ERCC8: variants seen among roughly 807,000 people sequenced by gnomAD.
The protein encoded by ERCC8 is DNA excision repair protein ERCC-8.
Under a neutral mutation model 54.9 loss-of-function variants are expected in ERCC8, and 52 were observed. The ratio of observed to expected loss-of-function variants is 0.95; its 90% CI spans 0.76 to 1.19. The LOEUF is 1.19. Among genes scored for constraint, ERCC8 ranks in the 50% most tolerant of loss-of-function variants. The pLI is 0.00. For missense variants in ERCC8, 514 were observed against 466.1 expected, an observed-to-expected ratio of 1.10 and a Z score of -0.95; for synonymous variants, 146 against 157.2, an observed-to-expected ratio of 0.93 and a Z score of 0.53.
intron 1 of ERCC8, chr5:60,932,023 A>G (rs1303273856): frequency 6.6e-6 from 1 of 152,168 alleles, no homozygotes; most frequent in East Asian, 1.9e-4. Context: ...GTATGTCCCC[A>G]CAATTAAACT....
At chr5:60,906,472 T>C (rs1749074774) in intron 4 of ERCC8, among the ~76,000 whole-genome samples, 1 of 151,884 alleles carries the variant, frequency 6.6e-6, no homozygotes, top group Non-Finnish European at 1.5e-5. Context: ...CTCACCCCTG[T>C]AATCCCAGTA....
chr5:60,942,908 A>T (rs73114340), intron 1 of ERCC8, among the ~76,000 whole-genome samples: 7,174 of 152,248 alleles, frequency 0.047, 574 homozygotes, highest in African/African-American at 0.16. Context: ...AACAGTAGAC[A>T]TCTCCTATGA....
At chr5:60,944,830 G>A in intron 1 of ERCC8, 102 bp downstream of exon 1, 1 of 859,520 alleles carries the variant, frequency 1.2e-6, no homozygotes. Flanking sequence ...ATAATAGTTT[G>A]GTGGCAGGAG....
chr5:60,928,926 ATC>A lies in ERCC8; in HGVS notation c.109_110del (p.Asp37CysfsTer2). ...VLGLELNKDR[D>X]VERIHGGGIN... ...TTCCACCGCCGTGGATTCTTTCAAC[ATC>A]TCTGTCTTTATTTAATTCCAGTCCC... is the stretch of plus-strand genomic sequence containing the variant. On this transcript the variant is annotated frameshift_variant, in exon 2 of 12. Transcript: ENST00000676185. LOFTEE classifies it high-confidence loss of function. 3 of 1,608,152 alleles carry A rather than the reference ATC, an allele frequency of 1.9e-6. No individual in the cohort carries two copies. Among genetic ancestry groups the A allele is most frequent in the African/African-American group, 2.7e-5 (2 of 74,926 alleles).
intron 7 of ERCC8, among the ~76,000 whole-genome samples, chr5:60,901,109 T>C (rs1748892350): frequency 6.6e-6 from 1 of 151,694 alleles, no homozygotes; most frequent in African/African-American, 2.4e-5. Flanking sequence ...TGAATAGCTT[T>C]CGTAATAATT....
chr5:60,922,495 A>G (rs1240028622), intron 2 of ERCC8, among the ~76,000 whole-genome samples: 1 of 152,064 alleles, frequency 6.6e-6, no homozygotes, highest in African/African-American at 2.4e-5. Flanking sequence ...TGACTATGCT[A>G]AATAAAAAAG....
chr5:60,888,431 C>G (rs1210009082), intron 10 of ERCC8, among the ~76,000 whole-genome samples: 2 of 152,118 alleles, frequency 1.3e-5, no homozygotes, highest in Non-Finnish European at 2.9e-5. Flanking sequence ...AGTAATTTTA[C>G]TCCCCTGAGA....
At chr5:60,937,705 G>T (rs1750108881) in intron 1 of ERCC8, among the ~76,000 whole-genome samples, 1 of 152,154 alleles carries the variant, frequency 6.6e-6, no homozygotes, top group Non-Finnish European at 1.5e-5. Context: ...CTTGCCCCAG[G>T]CTTTAAGCCA....
Position 60,903,652 on chromosome 5 carries a change from T to C in ERCC8, c.546A>G (p.Leu182=), listed in dbSNP as rs140185830. The change falls in exon 6 of 12, where the codon CTA becomes CTG. Residue 182 remains leucine, a synonymous_variant. Coordinates refer to ENST00000676185, the MANE Select transcript of ERCC8 (RefSeq NM_000082.4). ...DLKSGSCSHI[L]QGHRQEILAV... ...TTTGAAATAAAATAAAAATACCCTGTAGAATGTGAGAACAGGATCCAGACT... is the reference window on the plus strand; with the variant it reads ...TTTGAAATAAAATAAAAATACCCTGCAGAATGTGAGAACAGGATCCAGACT... 73 of 1,612,434 alleles carry C rather than the reference T, an allele frequency of 4.5e-5. No homozygotes were observed. The highest frequency in any genetic ancestry group is 6.0e-5 in the Non-Finnish European group (71 of 1,179,040).
At position 60,903,606 on chromosome 5, in the gene ERCC8, G is replaced by A. The variant is rs369365521; in HGVS notation, c.550+42C>T. ...TAGTAACGTTTCTTTTTATTGAATC[G>A]TTTACTCAAAGTAGTTGCCGTTTGA... is the stretch of plus-strand genomic sequence containing the variant. On this transcript the variant is annotated intron_variant, in intron 6 of 11. Coordinates refer to ENST00000676185, the MANE Select transcript of ERCC8 (RefSeq NM_000082.4). The A allele has an allele frequency of 1.2e-4, 192 of 1,610,324 alleles. No individual in the cohort carries two copies. The highest frequency in any genetic ancestry group is 1.7e-4 in the Admixed American group (10 of 59,772).
intron 1 of ERCC8, among the ~76,000 whole-genome samples, chr5:60,931,349 C>G (rs1401852565): frequency 6.6e-6 from 1 of 152,098 alleles, no homozygotes; most frequent in African/African-American, 2.4e-5. Flanking sequence ...CTCTGTCACC[C>G]AGGCTGGAGT....
intron 4 of ERCC8, chr5:60,909,843 ACTCGGGAGG>A (rs1305557041): frequency 1.3e-5 from 2 of 152,072 alleles, no homozygotes; most frequent in Non-Finnish European, 2.9e-5. Flanking sequence ...AGTCCCAGAT[ACTCGGGAGG>A]CTGAGGCAGG....
chr5:60,884,279 A>G (rs1748328511), intron 11 of ERCC8, among the ~76,000 whole-genome samples: 1 of 151,988 alleles, frequency 6.6e-6, no homozygotes, highest in Non-Finnish European at 1.5e-5. Flanking sequence ...GGAGATCGAG[A>G]CCATCCTGTG....
At chr5:60,916,622 A>T (rs1379184783) in intron 4 of ERCC8, among the ~76,000 whole-genome samples, 1 of 152,040 alleles carries the variant, frequency 6.6e-6, no homozygotes, top group African/African-American at 2.4e-5. Context: ...TTTTAAATAA[A>T]TATACTTTAT....
At chr5:60,913,645 T>C (rs1032474103) in intron 4 of ERCC8, among the ~76,000 whole-genome samples, 3 of 152,152 alleles carry the variant, frequency 2.0e-5, no homozygotes, top group African/African-American at 7.2e-5. Context: ...CTTTTGAATT[T>C]GTTTGCTCTT....
chr5:60,870,181 C>A lies in ERCC8; in HGVS notation c.*4434G>T, dbSNP rs910514544. ...GTCTCCCCTAATTATCACAGTCAGGCCTGAATTAGTAACCTTGAATATCAA... is the reference window on the plus strand; with the variant it reads ...GTCTCCCCTAATTATCACAGTCAGGACTGAATTAGTAACCTTGAATATCAA... On this transcript the variant is annotated 3_prime_UTR_variant, in exon 12 of 12. Coordinates refer to ENST00000676185, the MANE Select transcript of ERCC8 (RefSeq NM_000082.4). Among the ~76,000 whole-genome samples the A allele has an allele frequency of 1.3e-5, 2 of 151,966 alleles. No individual in the cohort carries two copies. Among genetic ancestry groups the A allele is most frequent in the African/African-American group, 4.8e-5 (2 of 41,366 alleles).
chr5:60,928,555 T>C (rs1387807363), intron 2 of ERCC8, among the ~76,000 whole-genome samples: 2 of 152,222 alleles, frequency 1.3e-5, no homozygotes, highest in Non-Finnish European at 2.9e-5. Flanking sequence ...AGCAACTATG[T>C]TTTAAAATAG....
intron 11 of ERCC8, among the ~76,000 whole-genome samples, chr5:60,879,778 T>C (rs2112460460): frequency 6.6e-6 from 1 of 152,324 alleles, no homozygotes; most frequent in South Asian, 2.1e-4. Flanking sequence ...TGAGATGGGT[T>C]TCCTGAATAC....
rs1747824921 is a variant in ERCC8, at chr5:60,869,801, CTAGT to C, written c.*4810_*4813del. 6.6e-6 allele frequency among the ~76,000 whole-genome samples: 1 copy of C among 150,622 alleles called. No individual in the cohort carries two copies. The highest frequency in any genetic ancestry group is 2.5e-5 in the African/African-American group (1 of 40,092). On this transcript the variant is annotated 3_prime_UTR_variant, in exon 12 of 12. Transcript: ENST00000676185. ...GCATTTCATAGGTGTACCATAATGA[CTAGT>C]TAAAAATGGAATCAAAGTGAAGTGA...
Sources: gnomAD v4.1 joint callset for allele counts (sites outside exome capture counted in the v4.1 genomes callset) on GRCh38, gnomAD v4.1.1 for gene constraint, MANE v1.5 for transcripts, NCBI Gene and HGNC (gene_info 2026-07-23, HGNC 2026-07-21) for gene names.